ADAMTSL3: variants seen among roughly 807,000 people sequenced by gnomAD.
ADAMTSL3 encodes ADAMTS-like protein 3.
A neutral mutation model predicts 201.7 loss-of-function variants in ADAMTSL3; 128 were observed. The observed-to-expected ratio is 0.63, with a 90% CI of 0.55 to 0.73. ADAMTSL3 has a LOEUF of 0.73. Among genes scored for constraint, ADAMTSL3 ranks in the 30% least tolerant of loss-of-function variants. The pLI is 0.00. For synonymous variants in ADAMTSL3, 738 were observed against 748.4 expected, an observed-to-expected ratio of 0.99 and a Z score of 0.23; for missense variants, 1,990 against 2,119.6, an observed-to-expected ratio of 0.94 and a Z score of 1.20.
chr15:83,818,615 C>T (rs2063805737), intron 5 of ADAMTSL3, among the ~76,000 whole-genome samples: 1 of 152,208 alleles, frequency 6.6e-6, no homozygotes, highest in South Asian at 2.1e-4. Flanking sequence ...ACGTGAGCCA[C>T]CACGCCTGGC....
chr15:83,944,550 G>A (rs181179336), intron 19 of ADAMTSL3, among the ~76,000 whole-genome samples: 2 of 152,226 alleles, frequency 1.3e-5, no homozygotes, highest in Admixed American at 6.5e-5. Context: ...ATCATCCTAC[G>A]ATAGCCCCAG....
chr15:83,837,059 A>G (rs7179011), intron 6 of ADAMTSL3, among the ~76,000 whole-genome samples: 1 of 152,328 alleles, frequency 6.6e-6, no homozygotes, highest in South Asian at 2.1e-4. Context: ...AGCTTATAAT[A>G]TAGCAAATAC....
intron 2 of ADAMTSL3, among the ~76,000 whole-genome samples, chr15:83,685,851 G>A (rs1291581712): frequency 6.6e-6 from 1 of 152,148 alleles, no homozygotes; most frequent in Admixed American, 6.5e-5. Context: ...TAATAAGGTA[G>A]CTGTTTCTTC....
intron 3 of ADAMTSL3, among the ~76,000 whole-genome samples, chr15:83,767,966 A>T (rs1177761281): frequency 2.0e-5 from 3 of 152,314 alleles, no homozygotes; most frequent in South Asian, 4.1e-4. Context: ...GAAGCTGCAG[A>T]GCTGAGCACA....
Position 84,036,731 on chromosome 15 carries a change from C to T in ADAMTSL3, c.4755-42C>T, listed in dbSNP as rs147175268. 235 of 1,531,358 alleles carry T rather than the reference C, an allele frequency of 1.5e-4. 1 individual carries two copies. The Middle Eastern group carries it at 4.3e-3, about 28-fold the overall frequency. 94.9% of individuals were successfully genotyped at this position (1,531,358 alleles called of 1,614,324 possible). On this transcript the variant is annotated intron_variant, in intron 28 of 29. Coordinates refer to ENST00000286744, the MANE Select transcript of ADAMTSL3 (RefSeq NM_207517.3). Reference sequence around the variant, plus strand: ...CAGCAAAAAGTTACACCCTGCCTCTCCTATTTTTTGTTTTTCCGTTTTGTT... The same window carrying T: ...CAGCAAAAAGTTACACCCTGCCTCTTCTATTTTTTGTTTTTCCGTTTTGTT...
intron 7 of ADAMTSL3, among the ~76,000 whole-genome samples, chr15:83,840,116 A>G (rs1468999288): frequency 3.9e-5 from 6 of 152,232 alleles, no homozygotes; most frequent in Non-Finnish European, 7.3e-5. Flanking sequence ...TCCTGAGGAA[A>G]AGCTGAAGTC....
chr15:84,006,265 C>G (rs1485250074), intron 23 of ADAMTSL3, among the ~76,000 whole-genome samples: 1 of 152,084 alleles, frequency 6.6e-6, no homozygotes, highest in African/African-American at 2.4e-5. Flanking sequence ...CATGATTCCC[C>G]AGAGATAACT....
At chr15:83,738,955 AT>A (rs201143612) in intron 3 of ADAMTSL3, among the ~76,000 whole-genome samples, 20 of 151,780 alleles carry the variant, frequency 1.3e-4, no homozygotes, top group South Asian at 4.2e-4. Flanking sequence ...AAGAAAAAAA[AT>A]AAAATAAAAT....
At chr15:83,819,674 A>T (rs2063826907) in intron 5 of ADAMTSL3, 137 bp from the exon 6 acceptor site, 2 of 642,168 alleles carry the variant, frequency 3.1e-6, no homozygotes, top group Non-Finnish European at 5.4e-6. Flanking sequence ...AAAAAAAAAA[A>T]AAAAAGAGGG....
chr15:83,857,551 G>A (rs1181388662), intron 7 of ADAMTSL3, among the ~76,000 whole-genome samples: 2 of 152,092 alleles, frequency 1.3e-5, no homozygotes, highest in Non-Finnish European at 2.9e-5. Flanking sequence ...GGACATTTAG[G>A]TACGGTTCAG....
At chr15:83,659,755 T>A (rs2061138166) in intron 2 of ADAMTSL3, among the ~76,000 whole-genome samples, 1 of 152,122 alleles carries the variant, frequency 6.6e-6, no homozygotes, top group South Asian at 2.1e-4. Flanking sequence ...ACAGTCCTTA[T>A]AAGAGAGCCA....
chr15:83,971,555 T>G (rs2067195037), intron 20 of ADAMTSL3, among the ~76,000 whole-genome samples: 1 of 88,872 alleles, frequency 1.1e-5, no homozygotes. Context: ...TGAGACTCTG[T>G]CTCAAAAAAA....
chr15:83,700,940 T>C (rs2061767251), intron 2 of ADAMTSL3, among the ~76,000 whole-genome samples: 1 of 152,216 alleles, frequency 6.6e-6, no homozygotes, highest in African/African-American at 2.4e-5. Flanking sequence ...CTATATTCCT[T>C]GACAGAATGA....
At chr15:83,981,920 G>A (rs1333562151) in intron 20 of ADAMTSL3, among the ~76,000 whole-genome samples, 1 of 152,200 alleles carries the variant, frequency 6.6e-6, no homozygotes, top group Non-Finnish European at 1.5e-5. Flanking sequence ...GCCATTATAT[G>A]AGCATGGCCT....
chr15:83,934,896 C>A (rs2066433803), intron 17 of ADAMTSL3, among the ~76,000 whole-genome samples: 1 of 152,122 alleles, frequency 6.6e-6, no homozygotes, highest in African/African-American at 2.4e-5. Context: ...TCTTTTGCAG[C>A]AACATGGATG....
intron 2 of ADAMTSL3, among the ~76,000 whole-genome samples, chr15:83,697,901 A>G (rs1340763420): frequency 6.6e-6 from 1 of 152,058 alleles, no homozygotes; most frequent in Non-Finnish European, 1.5e-5. Context: ...TCCCCTGGCA[A>G]CCAGCCCCCA....
intron 10 of ADAMTSL3, 119 bp from the exon 11 acceptor site, chr15:83,889,990 G>A (rs2065472140): frequency 1.8e-6 from 2 of 1,094,040 alleles, no homozygotes; most frequent in Non-Finnish European, 2.6e-6. Flanking sequence ...AGCCAGGGTT[G>A]AGAACCACTG....
At chr15:83,921,723 T>C (rs2066147243) in intron 16 of ADAMTSL3, among the ~76,000 whole-genome samples, 3 of 152,186 alleles carry the variant, frequency 2.0e-5, no homozygotes, top group Non-Finnish European at 4.4e-5. Context: ...TCTTTCTCTG[T>C]GCCCAGGCTG....
chr15:84,034,084 T>C (rs191219358), intron 28 of ADAMTSL3, among the ~76,000 whole-genome samples: 13 of 152,314 alleles, frequency 8.5e-5, no homozygotes, highest in African/African-American at 2.6e-4. Context: ...ATGCTTTTCT[T>C]TCATGGTGTT....
Sources: gnomAD v4.1 joint callset for allele counts (sites outside exome capture counted in the v4.1 genomes callset) on GRCh38, gnomAD v4.1.1 for gene constraint, MANE v1.5 for transcripts, NCBI Gene and HGNC (gene_info 2026-07-23, HGNC 2026-07-21) for gene names.